RYR2: variants seen among roughly 807,000 people sequenced by gnomAD.
RYR2 encodes the protein cardiac muscle ryanodine receptor-calcium release channel.
A neutral mutation model predicts 601.1 loss-of-function variants in RYR2; 227 were observed. The ratio of observed to expected loss-of-function variants is 0.38; its 90% CI spans 0.34 to 0.42. The LOEUF is 0.42. Ranked by LOEUF, RYR2 falls within the 10% of genes least tolerant of loss-of-function variation. RYR2 has a pLI of 1.00. For synonymous variants in RYR2, 2,223 were observed against 2,175.1 expected (o/e 1.02, Z -0.61); for missense variants, 4,646 against 6,156.5 (o/e 0.75, Z 8.21).
At chr1:237,473,387 G>A (rs549211900) in intron 17 of RYR2, among the ~76,000 whole-genome samples, 6 of 146,084 alleles carry the variant, frequency 4.1e-5, no homozygotes, top group South Asian at 4.4e-4. Context: ...TTGCACGACT[G>A]CACTCCAGCC....
chr1:237,149,630 G>A (rs1674479716), intron 1 of RYR2, among the ~76,000 whole-genome samples: 1 of 151,434 alleles, frequency 6.6e-6, no homozygotes, highest in Admixed American at 6.6e-5. Flanking sequence ...CTTCTGTGAA[G>A]TGTGATGAAG....
At chr1:237,818,132 AC>A (rs1662045430) in intron 100 of RYR2, among the ~76,000 whole-genome samples, 1 of 152,146 alleles carries the variant, frequency 6.6e-6, no homozygotes, top group African/African-American at 2.4e-5. Context: ...AGGAGTTGGA[AC>A]TTAGCTTAAA....
intron 29 of RYR2, among the ~76,000 whole-genome samples, chr1:237,573,823 G>T (rs2805402): frequency 4.6e-5 from 7 of 151,366 alleles, no homozygotes; most frequent in Non-Finnish European, 1.0e-4. Context: ...GAAAAAAAAT[G>T]AAAATAAAAA....
chr1:237,521,269 T>C (rs951845366), intron 24 of RYR2, among the ~76,000 whole-genome samples: 4 of 152,086 alleles, frequency 2.6e-5, no homozygotes, highest in African/African-American at 9.7e-5. Context: ...TACAGACCAA[T>C]ATCCCTGATT....
In RYR2 at chr1:237,795,934, ATATG is replaced by A. The variant is rs990103473; in HGVS notation, c.13956+609_13956+612del. On this transcript the variant is annotated intron_variant, in intron 96 of 104. Coordinates refer to ENST00000366574, the MANE Select transcript of RYR2 (RefSeq NM_001035.3). ...CACATATGCACGCGTATGTGTGTAC[ATATG>A]TATGTGTGCATATGTGTACATATGT... Among the ~76,000 whole-genome samples the A allele has an allele frequency of 2.3e-3, 72 of 31,596 alleles. No individual in the cohort carries two copies. The East Asian group carries it at 0.14, about 63-fold the overall frequency. 20.7% of individuals were successfully genotyped at this position (31,596 alleles called of 152,430 possible).
intron 1 of RYR2, among the ~76,000 whole-genome samples, chr1:237,226,257 T>C (rs1047464508): frequency 1.3e-5 from 2 of 152,182 alleles, no homozygotes; most frequent in Non-Finnish European, 2.9e-5. Flanking sequence ...GCGAAATTGC[T>C]GCGTATTTCG....
At chr1:237,227,293 G>A (rs926094602) in intron 1 of RYR2, among the ~76,000 whole-genome samples, 3 of 152,228 alleles carry the variant, frequency 2.0e-5, no homozygotes, top group African/African-American at 7.2e-5. Context: ...ATGCTAATTA[G>A]CTTGCCTTAA....
At chr1:237,570,698 T>A (rs1184753789) in intron 29 of RYR2, among the ~76,000 whole-genome samples, 1 of 152,142 alleles carries the variant, frequency 6.6e-6, no homozygotes, top group African/African-American at 2.4e-5. Context: ...TTTAAAGGGC[T>A]CAATTCCCTC....
chr1:237,720,894 T>G (rs147112673), intron 73 of RYR2, among the ~76,000 whole-genome samples: 8 of 152,306 alleles, frequency 5.3e-5, no homozygotes, highest in Non-Finnish European at 1.0e-4. Flanking sequence ...TTAGATGACG[T>G]ATTCAGGAGA....
At chr1:237,102,355 C>T (rs561950500) in intron 1 of RYR2, among the ~76,000 whole-genome samples, 1 of 152,160 alleles carries the variant, frequency 6.6e-6, no homozygotes, top group Admixed American at 6.5e-5. Context: ...CACCTGCCAT[C>T]CTGCATGCAG....
At chr1:237,757,304 C>T (rs1693039742) in intron 81 of RYR2, among the ~76,000 whole-genome samples, 1 of 152,008 alleles carries the variant, frequency 6.6e-6, no homozygotes, top group Non-Finnish European at 1.5e-5. Flanking sequence ...ATATATAATA[C>T]TGTTGAGGGA....
At chr1:237,632,979 T>C (rs1680510248) in intron 42 of RYR2, among the ~76,000 whole-genome samples, 1 of 152,058 alleles carries the variant, frequency 6.6e-6, no homozygotes, top group Non-Finnish European at 1.5e-5. Flanking sequence ...TAAACTATGA[T>C]AATATTTGGT....
At chr1:237,177,423 T>C (rs1678177217) in intron 1 of RYR2, among the ~76,000 whole-genome samples, 1 of 152,236 alleles carries the variant, frequency 6.6e-6, no homozygotes, top group African/African-American at 2.4e-5. Flanking sequence ...TCACAATTCC[T>C]ACTTCCCAAC....
chr1:237,471,084 G>C (rs978693504), intron 17 of RYR2: 1 of 154,456 alleles, frequency 6.5e-6, no homozygotes, highest in Non-Finnish European at 1.5e-5. Flanking sequence ...AAGGCTGGCT[G>C]CTCCACCCTA....
At chr1:237,597,686 G>A (rs528545839) in intron 34 of RYR2, among the ~76,000 whole-genome samples, 3 of 152,030 alleles carry the variant, frequency 2.0e-5, no homozygotes, top group African/African-American at 7.2e-5. Context: ...AAAAATTGCA[G>A]CAGTCACACT....
At chr1:237,178,726 A>G (rs2148940890) in intron 1 of RYR2, among the ~76,000 whole-genome samples, 1 of 152,130 alleles carries the variant, frequency 6.6e-6, no homozygotes, top group African/African-American at 2.4e-5. Flanking sequence ...GGATTGCTTG[A>G]GCCCAGAGTT....
At chr1:237,832,197 C>A (rs1471297087) in intron 104 of RYR2, among the ~76,000 whole-genome samples, 5 of 148,138 alleles carry the variant, frequency 3.4e-5, no homozygotes, top group Non-Finnish European at 6.0e-5. Context: ...CACCACCACA[C>A]CTGGCTTTTT....
At chr1:237,814,520 C>T (rs1056537510) in intron 100 of RYR2, among the ~76,000 whole-genome samples, 3 of 150,712 alleles carry the variant, frequency 2.0e-5, no homozygotes, top group African/African-American at 7.3e-5. Flanking sequence ...TAGGGGGCGC[C>T]ATAGCTGCAG....
intron 27 of RYR2, among the ~76,000 whole-genome samples, chr1:237,565,169 TTCTTTC>T (rs1553503353): frequency 1.8e-3 from 43 of 24,020 alleles, no homozygotes; most frequent in South Asian, 8.4e-3. Flanking sequence ...CTTTCTTTCT[TTCTTTC>T]TTTCTTTCTT....
Sources: allele counts gnomAD v4.1 joint callset (sites outside exome capture counted in the v4.1 genomes callset), GRCh38; gene constraint gnomAD v4.1.1; transcripts MANE v1.5; gene names NCBI Gene and HGNC (gene_info 2026-07-23, HGNC 2026-07-21).